Variants in RPH3A observed in about 807,000 individuals in gnomAD.
RPH3A encodes rabphilin-3A.
Under a neutral mutation model 102.2 loss-of-function variants are expected in RPH3A, and 48 were observed. That is an observed-to-expected ratio of 0.47 (90% CI 0.37 to 0.60). The LOEUF is 0.60. Ranked by LOEUF, RPH3A falls within the 20% of genes least tolerant of loss-of-function variation. RPH3A has a pLI of 0.00. For synonymous variants in RPH3A, 310 were observed against 324.3 expected, an observed-to-expected ratio of 0.96 and a Z score of 0.47; for missense variants, 781 against 910.1, an observed-to-expected ratio of 0.86 and a Z score of 1.83.
In RPH3A at chr12:112,890,043, C is replaced by T; in HGVS notation, c.1583C>T (p.Thr528Ile). 1.2e-6 allele frequency: 2 copies of T among 1,613,724 alleles called. No homozygotes were observed. Among genetic ancestry groups the T allele is most frequent in the South Asian group, 2.2e-5 (2 of 91,088 alleles). ...TTTAAGATGAAACGTGCTGGGACCA[C>T]CGGGTCAGCCCGAGGCATGGCCCTT... is the stretch of plus-strand genomic sequence containing the variant. Reference protein sequence around the residue: ...RVIPMKRAGTTGSARGMALYE... With the variant: ...RVIPMKRAGTIGSARGMALYE... Residue 528 changes from threonine (T) to isoleucine (I), a missense_variant, in exon 18 of 22, where the codon ACC (threonine) becomes ATC (isoleucine). By Grantham distance (89) the Thr-to-Ile change is moderately conservative. Coordinates refer to ENST00000389385, the MANE Select transcript of RPH3A (RefSeq NM_001143854.2).
chr12:112,580,685 CGTG>C (rs1317382313), intron 1 of RPH3A, among the ~76,000 whole-genome samples: 1 of 152,062 alleles, frequency 6.6e-6, no homozygotes, highest in African/African-American at 2.4e-5. Flanking sequence ...GGATTATAGA[CGTG>C]AGCCACCGCG....
chr12:112,576,409 G>A (rs1030124108), intron 1 of RPH3A, among the ~76,000 whole-genome samples: 2 of 152,144 alleles, frequency 1.3e-5, no homozygotes, highest in African/African-American at 4.8e-5. Flanking sequence ...GGTAGAGATG[G>A]GGTTTCACCA....
chr12:112,613,678 G>A (rs952964415), intron 1 of RPH3A, among the ~76,000 whole-genome samples: 1 of 152,118 alleles, frequency 6.6e-6, no homozygotes, highest in African/African-American at 2.4e-5. Context: ...GTGCATGCCT[G>A]TAGACCCAGC....
intron 2 of RPH3A, among the ~76,000 whole-genome samples, chr12:112,821,518 C>T (rs1392025043): frequency 6.6e-6 from 1 of 152,064 alleles, no homozygotes; most frequent in Admixed American, 6.6e-5. Flanking sequence ...TGCCCCAGGG[C>T]CTTTGCATTT....
Position 112,731,749 on chromosome 12 carries a change from C to A in RPH3A, c.-139-60394C>A, listed in dbSNP as rs184876283. On this transcript the variant is annotated intron_variant, in intron 1 of 21. Coordinates refer to the RPH3A transcript ENST00000543106. ...TCCCTTGATGACTTTCTAATTAAATCGTCTACAAAAATGACATTTAATTAT... is the reference window on the plus strand; with the variant it reads ...TCCCTTGATGACTTTCTAATTAAATAGTCTACAAAAATGACATTTAATTAT... Among the ~76,000 whole-genome samples the A allele has an allele frequency of 1.3e-3, 197 of 152,302 alleles. 1 individual carries two copies. Among genetic ancestry groups the A allele is most frequent in the African/African-American group, 4.6e-3 (190 of 41,582 alleles).
At chr12:112,785,375 A>G (rs1272018742) in intron 1 of RPH3A, among the ~76,000 whole-genome samples, 1 of 152,162 alleles carries the variant, frequency 6.6e-6, no homozygotes, top group Non-Finnish European at 1.5e-5. Context: ...AATGACATTA[A>G]GTCACTGCTG....
At position 112,760,813 on chromosome 12, in the gene RPH3A, C is replaced by T. The variant is rs1382457409; in HGVS notation, c.-139-31330C>T. Among the ~76,000 whole-genome samples the T allele has an allele frequency of 4.6e-5, 7 of 152,228 alleles. No individual in the cohort carries two copies. The East Asian group carries it at 7.7e-4, about 17-fold the overall frequency. On this transcript the variant is annotated intron_variant, in intron 1 of 21. Coordinates refer to the RPH3A transcript ENST00000543106. ...TCTGCGCATGGCAGCCATCGATAAT[C>T]AGTCACGGCTCTCTGCATCCTTCTC... is the stretch of plus-strand genomic sequence containing the variant.
At position 112,856,775 on chromosome 12, in the gene RPH3A, C is replaced by G. The variant is rs189074667; in HGVS notation, c.231-8639C>G. ...TTTAGAATAAATAACTAGCAGCAAC[C>G]ATTACTGAATAGTTACCATGTTCCG... On this transcript the variant is annotated intron_variant, in intron 5 of 21. Coordinates refer to ENST00000389385, the MANE Select transcript of RPH3A (RefSeq NM_001143854.2). Among the ~76,000 whole-genome samples the G allele has an allele frequency of 4.7e-3, 723 of 152,300 alleles. 3 individuals are homozygous for G. Among genetic ancestry groups the G allele is most frequent in the African/African-American group, 0.016 (683 of 41,558 alleles).
At chr12:112,624,476 A>G (rs2039757036) in intron 1 of RPH3A, among the ~76,000 whole-genome samples, 2 of 148,950 alleles carry the variant, frequency 1.3e-5, no homozygotes, top group Non-Finnish European at 3.0e-5. Flanking sequence ...TACATTCCTC[A>G]ACACATACAC....
chr12:112,627,044 C>G (rs1371922247), intron 1 of RPH3A, among the ~76,000 whole-genome samples: 3 of 111,590 alleles, frequency 2.7e-5, no homozygotes, highest in Non-Finnish European at 5.4e-5. Flanking sequence ...GAATATCACA[C>G]TCTGGGGACT....
intron 1 of RPH3A, among the ~76,000 whole-genome samples, chr12:112,743,699 G>T (rs532247603): frequency 6.6e-6 from 1 of 152,220 alleles, no homozygotes; most frequent in Admixed American, 6.5e-5. Flanking sequence ...CCCCCCAAGG[G>T]CAATAGGGAG....
Position 112,896,578 on chromosome 12 carries a change from C to A in RPH3A, c.1955-72C>A. The A allele has an allele frequency of 3.2e-6, 5 of 1,573,348 alleles. No homozygotes were observed. In the South Asian group the frequency reaches 5.8e-5, roughly 18 times the overall value. On this transcript the variant is annotated intron_variant, in intron 21 of 21. Coordinates refer to ENST00000389385, the MANE Select transcript of RPH3A (RefSeq NM_001143854.2). ...GTCACTGCTTGGTGCAGTTTTTTCC[C>A]CAACTACACATTTGGGTCTAGAACG...
In RPH3A at chr12:112,841,173, T is replaced by TAAAAAAA. The variant is rs11447068; in HGVS notation, c.83+4686_83+4692dup. ...GGCAACATAACAAGACCTTGTTTCT[T>TAAAAAAA]AAAAAAAAAAAAAAAAAAAAAGCCT... On this transcript the variant is annotated intron_variant, in intron 4 of 21. Coordinates refer to ENST00000389385, the MANE Select transcript of RPH3A (RefSeq NM_001143854.2). Among the ~76,000 whole-genome samples, 37 of 33,358 alleles carry TAAAAAAA rather than the reference T, an allele frequency of 1.1e-3. 1 individual carries two copies. The East Asian group carries it at 0.028, about 25-fold the overall frequency. 21.9% of individuals were successfully genotyped at this position (33,358 alleles called of 152,430 possible).
chr12:112,732,180 A>C (rs141058625), intron 1 of RPH3A, among the ~76,000 whole-genome samples: 1 of 152,174 alleles, frequency 6.6e-6, no homozygotes, highest in Non-Finnish European at 1.5e-5. Flanking sequence ...GAGGCTTCTC[A>C]GAATGATGCC....
At chr12:112,620,234 T>C (rs757312838) in intron 1 of RPH3A, among the ~76,000 whole-genome samples, 50 of 152,340 alleles carry the variant, frequency 3.3e-4, no homozygotes, top group Non-Finnish European at 6.0e-4. Context: ...TAAGCCAACA[T>C]GTTTTCATGG....
At chr12:112,578,849 C>T (rs566734878) in intron 1 of RPH3A, among the ~76,000 whole-genome samples, 1 of 152,220 alleles carries the variant, frequency 6.6e-6, no homozygotes, top group Non-Finnish European at 1.5e-5. Flanking sequence ...ATAGGAGCAG[C>T]AGCAACTCAG....
intron 1 of RPH3A, among the ~76,000 whole-genome samples, chr12:112,781,524 G>A (rs1474697579): frequency 6.6e-6 from 1 of 152,176 alleles, no homozygotes; most frequent in Admixed American, 6.5e-5. Flanking sequence ...GAGCCCCTGG[G>A]TGAATGGGGG....
At chr12:112,829,782 C>G (rs1215209839) in intron 3 of RPH3A, among the ~76,000 whole-genome samples, 2 of 152,124 alleles carry the variant, frequency 1.3e-5, no homozygotes, top group African/African-American at 4.8e-5. Context: ...TTAGTTCATG[C>G]TTTCTATGAA....
At chr12:112,610,533 T>A (rs1402874304) in intron 1 of RPH3A, among the ~76,000 whole-genome samples, 4 of 151,740 alleles carry the variant, frequency 2.6e-5, no homozygotes, top group South Asian at 2.1e-4. Flanking sequence ...AAAGCCTTCC[T>A]TGATCTATCT....
Sources: gnomAD v4.1 joint callset for allele counts (sites outside exome capture counted in the v4.1 genomes callset) on GRCh38, gnomAD v4.1.1 for gene constraint, MANE v1.5 for transcripts, NCBI Gene and HGNC (gene_info 2026-07-23, HGNC 2026-07-21) for gene names.